SH3GLB1: variants seen among roughly 807,000 people sequenced by gnomAD.
The protein encoded by SH3GLB1 is endophilin-B1.
SH3GLB1 carries 17 observed loss-of-function variants against 42.0 expected under a neutral mutation model. That is an observed-to-expected ratio of 0.40 (90% CI 0.28 to 0.61). SH3GLB1 has a LOEUF of 0.61. Among genes scored for constraint, SH3GLB1 ranks in the 20% least tolerant of loss-of-function variants. SH3GLB1 has a pLI of 0.36. For missense variants in SH3GLB1, 355 were observed against 426.3 expected, an observed-to-expected ratio of 0.83 and a Z score of 1.47; for synonymous variants, 132 against 146.6, an observed-to-expected ratio of 0.90 and a Z score of 0.72.
chr1:86,717,699 C>T (rs1570416633), intron 2 of SH3GLB1, among the ~76,000 whole-genome samples: 6 of 151,968 alleles, frequency 3.9e-5, no homozygotes, highest in Admixed American at 3.3e-4. Context: ...TGGGATTACA[C>T]GTGTGAGCCA....
At position 86,744,279 on chromosome 1, in the gene SH3GLB1, T is replaced by C. The variant is rs551725523; in HGVS notation, c.*1044T>C. On this transcript the variant is annotated 3_prime_UTR_variant, in exon 9 of 9. Transcript: ENST00000370558. ...CTGTTGGGGCCATTGCTATAAATCA[T>C]TGTTTCCATGTTAAGACTTCTGTTC... is the stretch of plus-strand genomic sequence containing the variant. The C allele has an allele frequency of 6.6e-6, 1 of 152,328 alleles. No homozygotes were observed. The highest frequency in any genetic ancestry group is 2.4e-5 in the African/African-American group (1 of 41,576). 9.4% of individuals were successfully genotyped at this position (152,328 alleles called of 1,614,324 possible).
At chr1:86,713,088 C>T (rs1214196236) in intron 1 of SH3GLB1, among the ~76,000 whole-genome samples, 1 of 151,840 alleles carries the variant, frequency 6.6e-6, no homozygotes, top group African/African-American at 2.4e-5. Context: ...TGCCCTGAAC[C>T]CCAGTTTGTA....
intron 1 of SH3GLB1, among the ~76,000 whole-genome samples, chr1:86,705,972 T>G (rs1459932200): frequency 6.6e-6 from 1 of 152,244 alleles, no homozygotes; most frequent in Non-Finnish European, 1.5e-5. Flanking sequence ...TTGCCCCAAT[T>G]TTGTTGGCAC....
chr1:86,719,143 G>T (rs1463093867), intron 2 of SH3GLB1, among the ~76,000 whole-genome samples: 1 of 152,162 alleles, frequency 6.6e-6, no homozygotes, highest in Non-Finnish European at 1.5e-5. Flanking sequence ...TTGAAATTAT[G>T]AATGTACATT....
Position 86,742,394 on chromosome 1 carries a change from T to A in SH3GLB1, c.948T>A (p.Tyr316Ter). The A allele has an allele frequency of 6.2e-7, 1 of 1,614,126 alleles. No individual in the cohort carries two copies. The highest frequency in any genetic ancestry group is 8.5e-7 in the Non-Finnish European group (1 of 1,180,016). The change falls in exon 8 of 9, where the codon TAT (tyrosine) becomes TAA (stop). Residue 316 changes from tyrosine to a stop codon, truncating the protein, a stop_gained. Coordinates refer to ENST00000370558, the MANE Select transcript of SH3GLB1 (RefSeq NM_016009.5). LOFTEE classifies it high-confidence loss of function. ...GSRKARVLYD[Y>*]DAANSTELSL... Reference sequence around the variant, plus strand: ...GAAAGGCCAGGGTTCTCTATGATTATGATGCAGCAAACAGTACTGAATTAT... The same window carrying A: ...GAAAGGCCAGGGTTCTCTATGATTAAGATGCAGCAAACAGTACTGAATTAT...
intron 1 of SH3GLB1, among the ~76,000 whole-genome samples, chr1:86,711,680 T>C (rs2101917013): frequency 6.6e-6 from 1 of 152,254 alleles, no homozygotes; most frequent in East Asian, 1.9e-4. Flanking sequence ...CTTGAAGATG[T>C]TGAAAACTAA....
At chr1:86,714,627 A>G (rs1654405703) in intron 1 of SH3GLB1, among the ~76,000 whole-genome samples, 1 of 152,214 alleles carries the variant, frequency 6.6e-6, no homozygotes, top group South Asian at 2.1e-4. Context: ...AGGATGCTGA[A>G]AGAAACAATA....
intron 4 of SH3GLB1, among the ~76,000 whole-genome samples, chr1:86,723,978 C>G (rs1655013495): frequency 6.6e-6 from 1 of 152,222 alleles, no homozygotes; most frequent in Non-Finnish European, 1.5e-5. Flanking sequence ...TAACATCCCT[C>G]CACCAATTGT....
intron 5 of SH3GLB1, among the ~76,000 whole-genome samples, chr1:86,732,950 GTGCATT>G (rs1296310355): frequency 6.6e-6 from 1 of 152,046 alleles, no homozygotes; most frequent in Non-Finnish European, 1.5e-5. Flanking sequence ...TATTTCTGAA[GTGCATT>G]TATTTTTGGT....
At position 86,734,584 on chromosome 1, in the gene SH3GLB1, A is replaced by G; in HGVS notation, c.571-18A>G. ...CTGAGTCTTCTAAAGAGATTCTAAA[A>G]CTATATTCTTACTTAAGTCTGAACA... On this transcript the variant is annotated intron_variant, in intron 5 of 8. Coordinates refer to ENST00000370558, the MANE Select transcript of SH3GLB1 (RefSeq NM_016009.5). 1 of 1,572,550 alleles carries G rather than the reference A, an allele frequency of 6.4e-7. No individual in the cohort carries two copies. Among genetic ancestry groups the G allele is most frequent in the Non-Finnish European group, 8.7e-7 (1 of 1,143,566 alleles).
At chr1:86,707,549 C>CA (rs1234829099) in intron 1 of SH3GLB1, among the ~76,000 whole-genome samples, 1 of 151,836 alleles carries the variant, frequency 6.6e-6, no homozygotes, top group Non-Finnish European at 1.5e-5. Context: ...TTAGGAGAAA[C>CA]AGACTTCTTT....
chr1:86,711,542 T>A (rs1426056730), intron 1 of SH3GLB1, among the ~76,000 whole-genome samples: 1 of 152,176 alleles, frequency 6.6e-6, no homozygotes, highest in Non-Finnish European at 1.5e-5. Context: ...TATTTTAGGT[T>A]GTTTACACAA....
chr1:86,718,907 A>C (rs1284761645), intron 2 of SH3GLB1, among the ~76,000 whole-genome samples: 4 of 152,230 alleles, frequency 2.6e-5, no homozygotes, highest in African/African-American at 7.2e-5. Context: ...GCTCAGAGAT[A>C]TACTTGTATA....
At chr1:86,712,105 A>T (rs1654248747) in intron 1 of SH3GLB1, among the ~76,000 whole-genome samples, 1 of 152,144 alleles carries the variant, frequency 6.6e-6, no homozygotes, top group Admixed American at 6.5e-5. Context: ...TTACAATTAT[A>T]TATTTAAGTA....
At chr1:86,724,902 T>TATATATATA (rs1553208282) in intron 5 of SH3GLB1, among the ~76,000 whole-genome samples, 27 of 129,922 alleles carry the variant, frequency 2.1e-4, no homozygotes, top group African/African-American at 8.2e-4. Flanking sequence ...AATATATATA[T>TATATATATA]ATATATATAT....
At position 86,742,214 on chromosome 1, in the gene SH3GLB1, A is replaced by G; in HGVS notation, c.768A>G (p.Pro256=). 6.2e-7 allele frequency: 1 copy of G among 1,613,440 alleles called. No individual in the cohort carries two copies. Among genetic ancestry groups the G allele is most frequent in the Non-Finnish European group, 8.5e-7 (1 of 1,179,368 alleles). Reference sequence around the variant, plus strand: ...GCTGCTTTCTTTTCAACAGTTTTCCATCCAATTATCTTAGTAACAACAATC... The same window carrying G: ...GCTGCTTTCTTTTCAACAGTTTTCCGTCCAATTATCTTAGTAACAACAATC... ...LDLQKQLGSF[P]SNYLSNNNQT... Residue 256 remains proline (P), a synonymous_variant, in exon 8 of 9, where the codon CCA becomes CCG. Transcript: ENST00000370558.
intron 4 of SH3GLB1, among the ~76,000 whole-genome samples, chr1:86,723,985 T>A (rs1164400715): frequency 2.6e-5 from 4 of 152,218 alleles, no homozygotes; most frequent in African/African-American, 9.6e-5. Flanking sequence ...CCTCCACCAA[T>A]TGTGACAACC....
intron 5 of SH3GLB1, chr1:86,734,367 T>C (rs1425607777): frequency 2.5e-6 from 1 of 403,492 alleles, no homozygotes; most frequent in Non-Finnish European, 4.6e-6. Flanking sequence ...TCATTAAGCT[T>C]TAGCGTAACA....
rs3830853 is a variant in SH3GLB1 at position 86,724,148 on chromosome 1, T to TGG, written c.478-157_478-156dup. 1.2e-3 allele frequency among the ~76,000 whole-genome samples: 164 copies of TGG among 133,000 alleles called. 1 individual carries two copies. Among genetic ancestry groups the TGG allele is most frequent in the African/African-American group, 4.1e-3 (161 of 39,498 alleles). The allele number at this position is 133,000 out of a possible 152,430, so 87.3% of individuals were successfully genotyped here. A position where few individuals can be genotyped will look rare whatever the true frequency, so the allele number is the denominator to read the frequency against. On this transcript the variant is annotated intron_variant, in intron 4 of 8. Transcript: ENST00000370558. ...AAAATTTAAAACAGTAACAAGGGGG[T>TGG]GGGGGGGGGCAGATACATGAATGGT...
Sources: gnomAD v4.1 joint callset for allele counts (sites outside exome capture counted in the v4.1 genomes callset) on GRCh38, gnomAD v4.1.1 for gene constraint, MANE v1.5 for transcripts, NCBI Gene and HGNC (gene_info 2026-07-23, HGNC 2026-07-21) for gene names.